Variants in CARMIL1 observed in about 807,000 individuals in gnomAD.
The protein encoded by CARMIL1 is capping protein regulator and myosin 1 linker 1.
CARMIL1 carries 90 observed loss-of-function variants against 177.1 expected under a neutral mutation model. The ratio of observed to expected loss-of-function variants is 0.51; its 90% confidence interval spans 0.43 to 0.61. The LOEUF is 0.61. CARMIL1 is among the 20% of genes least tolerant of loss of function. The probability of loss-of-function intolerance (pLI) is 0.00; values close to 1 mark genes in which losing one functional copy is unlikely to be tolerated. For missense variants in CARMIL1, 1,380 were observed against 1,667.0 expected (o/e 0.83, Z 3.00); for synonymous variants, 577 against 606.2 (o/e 0.95, Z 0.71).
chr6:25,599,073 C>A (rs1815134766), intron 32 of CARMIL1, among the ~76,000 whole-genome samples: 1 of 152,218 alleles, frequency 6.6e-6, no homozygotes, highest in Non-Finnish European at 1.5e-5. Context: ...TTCTTTGGTT[C>A]ATTCTTTCCA....
rs376390781 is a variant in CARMIL1, at chr6:25,602,911, A to G, written c.3553-1901A>G. Among the ~76,000 whole-genome samples, 5 of 152,366 alleles carry G rather than the reference A, an allele frequency of 3.3e-5. No individual in the cohort carries two copies. In the East Asian group the frequency reaches 9.6e-4, roughly 29 times the overall value. On this transcript the variant is annotated intron_variant, in intron 33 of 36. Transcript: ENST00000329474. ...GACACTTTTCATTTATTGACAAAAG[A>G]GAGAAATAAGCAGTGAATACTTAGA...
intron 2 of CARMIL1, among the ~76,000 whole-genome samples, chr6:25,415,328 C>G (rs547361829): frequency 6.6e-6 from 1 of 152,006 alleles, no homozygotes; most frequent in South Asian, 2.1e-4. Flanking sequence ...ACACCCAGCT[C>G]TCCTCTTGTT....
At chr6:25,525,204 C>T (rs369792615) in intron 23 of CARMIL1, among the ~76,000 whole-genome samples, 3 of 152,006 alleles carry the variant, frequency 2.0e-5, no homozygotes, top group Non-Finnish European at 4.4e-5. Flanking sequence ...GGATAACCAA[C>T]GACAAAGAGA....
intron 5 of CARMIL1, among the ~76,000 whole-genome samples, chr6:25,446,347 A>G (rs1297892388): frequency 6.6e-6 from 1 of 152,204 alleles, no homozygotes; most frequent in Non-Finnish European, 1.5e-5. Flanking sequence ...AATGATCTTA[A>G]CTATATCTTC....
chr6:25,279,581 C>G lies in CARMIL1; in HGVS notation c.-215C>G, dbSNP rs1299448788. On this transcript the variant is annotated 5_prime_UTR_variant, in exon 1 of 37. Coordinates refer to ENST00000329474, the MANE Select transcript of CARMIL1 (RefSeq NM_017640.6). ...ACTGCGAGGAGGCGTCATGTAGCAG[C>G]AGCAGCAAATCCGCCTCGCATTTGC... The G allele has an allele frequency of 3.3e-6, 2 of 599,032 alleles. No individual in the cohort carries two copies. The highest frequency in any genetic ancestry group is 5.6e-5 in the East Asian group (2 of 35,712). The allele number at this position is 599,032 out of a possible 1,614,324, so 37.1% of individuals were successfully genotyped here. A position where few individuals can be genotyped will look rare whatever the true frequency, so the allele number is the denominator to read the frequency against.
At chr6:25,373,211 T>A (rs1356972154) in intron 2 of CARMIL1, among the ~76,000 whole-genome samples, 1 of 152,080 alleles carries the variant, frequency 6.6e-6, no homozygotes, top group Non-Finnish European at 1.5e-5. Context: ...GTAGTTTTCT[T>A]TGTCTTTTTT....
chr6:25,588,747 C>T (rs1465078223), intron 31 of CARMIL1, among the ~76,000 whole-genome samples: 1 of 152,162 alleles, frequency 6.6e-6, no homozygotes, highest in Non-Finnish European at 1.5e-5. Flanking sequence ...GAACACTGGA[C>T]TGGGATATAG....
Position 25,462,378 on chromosome 6 carries a change from A to G in CARMIL1, c.615-3495A>G, listed in dbSNP as rs77820282. On this transcript the variant is annotated intron_variant, in intron 8 of 36. Coordinates refer to ENST00000329474, the MANE Select transcript of CARMIL1 (RefSeq NM_017640.6). ...ATTAGCACCCCTTTTATATGCACAC[A>G]TAGTATTTTGTATTCCCCCTACCTC... Among the ~76,000 whole-genome samples, 742 of 152,136 alleles carry G rather than the reference A, an allele frequency of 4.9e-3. 10 individuals are homozygous for G. Among genetic ancestry groups the G allele is most frequent in the African/African-American group, 0.016 (652 of 41,494 alleles).
At chr6:25,302,072 CA>C (rs1254222766) in intron 2 of CARMIL1, among the ~76,000 whole-genome samples, 1 of 152,128 alleles carries the variant, frequency 6.6e-6, no homozygotes, top group Non-Finnish European at 1.5e-5. Context: ...GTGTTGAAAT[CA>C]GCATTGTAAA....
At chr6:25,279,983 C>A in intron 1 of CARMIL1, 148 bp downstream of exon 1, 1 of 948,534 alleles carries the variant, frequency 1.1e-6, no homozygotes, top group South Asian at 1.3e-5. Context: ...CTGGGGGTGC[C>A]GGGAAGTTTG....
chr6:25,492,467 C>A (rs1413364488), intron 15 of CARMIL1, among the ~76,000 whole-genome samples: 1 of 152,134 alleles, frequency 6.6e-6, no homozygotes, highest in Admixed American at 6.5e-5. Flanking sequence ...ACACTCCTGA[C>A]TTTAATTGTT....
chr6:25,298,361 C>T (rs1782593868), intron 2 of CARMIL1, among the ~76,000 whole-genome samples: 1 of 152,166 alleles, frequency 6.6e-6, no homozygotes, highest in South Asian at 2.1e-4. Context: ...GTTTTCTCTG[C>T]TCAGAGCTAT....
At chr6:25,523,590 A>G (rs1474732914) in intron 23 of CARMIL1, among the ~76,000 whole-genome samples, 3 of 152,216 alleles carry the variant, frequency 2.0e-5, no homozygotes, top group Middle Eastern at 3.2e-3. Flanking sequence ...AATAAAAGAC[A>G]TATTCTAGAG....
intron 2 of CARMIL1, among the ~76,000 whole-genome samples, chr6:25,353,949 T>G (rs998867946): frequency 6.6e-6 from 1 of 152,152 alleles, no homozygotes; most frequent in Non-Finnish European, 1.5e-5. Context: ...AGACAGATAT[T>G]TTGGATTTTC....
intron 2 of CARMIL1, among the ~76,000 whole-genome samples, chr6:25,391,064 G>T (rs975837004): frequency 2.0e-5 from 3 of 152,172 alleles, no homozygotes; most frequent in Non-Finnish European, 2.9e-5. Context: ...AGTTGGTTGC[G>T]TGATTTGATT....
chr6:25,392,785 TA>T (rs1793005145), intron 2 of CARMIL1, among the ~76,000 whole-genome samples: 2 of 152,244 alleles, frequency 1.3e-5, no homozygotes, highest in Admixed American at 6.5e-5. Flanking sequence ...ATAAATGTGT[TA>T]TTTTTATAAT....
At chr6:25,523,665 C>T (rs190178251) in intron 23 of CARMIL1, among the ~76,000 whole-genome samples, 27 of 152,218 alleles carry the variant, frequency 1.8e-4, no homozygotes, top group Admixed American at 9.2e-4. Context: ...CCCATCCTCA[C>T]AACAACAAAA....
intron 12 of CARMIL1, among the ~76,000 whole-genome samples, chr6:25,487,764 C>T (rs1802808004): frequency 6.6e-6 from 1 of 152,160 alleles, no homozygotes; most frequent in Non-Finnish European, 1.5e-5. Flanking sequence ...ATAACTGTTA[C>T]CCACCTATAA....
At chr6:25,581,794 A>G (rs970176653) in intron 31 of CARMIL1, among the ~76,000 whole-genome samples, 1 of 152,172 alleles carries the variant, frequency 6.6e-6, no homozygotes, top group Non-Finnish European at 1.5e-5. Context: ...GTCTGGGCAA[A>G]AAAGATACAA....
Sources: allele counts gnomAD v4.1 joint callset (sites outside exome capture counted in the v4.1 genomes callset), GRCh38; gene constraint gnomAD v4.1.1; transcripts MANE v1.5; gene names NCBI Gene and HGNC (gene_info 2026-07-23, HGNC 2026-07-21).